The following EYA2 variants were observed in gnomAD, a reference collection of about 807,000 sequenced individuals.
The protein encoded by EYA2 is EYA transcriptional coactivator and phosphatase 2, also known as protein phosphatase EYA2.
In EYA2, 31 loss-of-function variants were observed where a neutral mutation model predicts 69.2. The ratio of observed to expected loss-of-function variants is 0.45; its 90% CI spans 0.34 to 0.60. EYA2 has a LOEUF of 0.60. Ranked by LOEUF, EYA2 falls within the 20% of genes least tolerant of loss-of-function variation. The pLI, the probability that EYA2 is intolerant of heterozygous loss-of-function variation, is 0.02. For synonymous variants in EYA2, 257 were observed against 279.4 expected (o/e 0.92, Z 0.80); for missense variants, 622 against 701.2 (o/e 0.89, Z 1.28).
chr20:47,161,273 CG>C (rs1410160701), intron 10 of EYA2: 4 of 535,592 alleles, frequency 7.5e-6, no homozygotes, highest in Non-Finnish European at 1.4e-5. Flanking sequence ...GATGGCCCCG[CG>C]GATGGCGTGG....
At chr20:47,186,487 G>A (rs1600784020) in intron 15 of EYA2, among the ~76,000 whole-genome samples, 1 of 149,756 alleles carries the variant, frequency 6.7e-6, no homozygotes, top group South Asian at 2.1e-4. Context: ...AGCCTCCCAA[G>A]TAGCTGGGAT....
chr20:46,996,738 T>C (rs1982045934), intron 2 of EYA2, among the ~76,000 whole-genome samples: 1 of 151,854 alleles, frequency 6.6e-6, no homozygotes, highest in African/African-American at 2.4e-5. Context: ...AGAAAAGAGA[T>C]TTAATTGGCT....
chr20:47,125,692 C>T (rs372056084), intron 9 of EYA2, among the ~76,000 whole-genome samples: 1 of 152,214 alleles, frequency 6.6e-6, no homozygotes, highest in East Asian at 1.9e-4. Context: ...TGACCTCTGG[C>T]TGACACTTCC....
intron 9 of EYA2, among the ~76,000 whole-genome samples, chr20:47,134,557 A>C (rs2033414298): frequency 6.8e-6 from 1 of 146,740 alleles, no homozygotes; most frequent in Non-Finnish European, 1.5e-5. Flanking sequence ...AATACATTTT[A>C]CACTATAACC....
chr20:46,954,536 C>T (rs570483517), intron 1 of EYA2, among the ~76,000 whole-genome samples: 57 of 152,354 alleles, frequency 3.7e-4, no homozygotes, highest in South Asian at 6.2e-4. Context: ...CCTGGCAGCT[C>T]GCTCTCTTTG....
At chr20:46,967,577 G>A (rs1979866804) in intron 1 of EYA2, among the ~76,000 whole-genome samples, 1 of 152,176 alleles carries the variant, frequency 6.6e-6, no homozygotes, top group Non-Finnish European at 1.5e-5. Flanking sequence ...GGAAGGATGA[G>A]CATTCAGGAC....
chr20:47,072,334 G>A (rs751998879), intron 6 of EYA2, 82 bp downstream of exon 6: 6 of 1,326,638 alleles, frequency 4.5e-6, no homozygotes, highest in Admixed American at 2.0e-5. Flanking sequence ...GAGAGCCCAC[G>A]ACACACACAA....
chr20:47,036,423 G>T (rs73909611), intron 5 of EYA2, among the ~76,000 whole-genome samples: 3,403 of 152,282 alleles, frequency 0.022, 91 homozygotes, highest in African/African-American at 0.067. Context: ...AACAGGAATG[G>T]TCGTTTCCAA....
At chr20:47,040,579 C>T (rs755252335) in intron 5 of EYA2, among the ~76,000 whole-genome samples, 14 of 152,212 alleles carry the variant, frequency 9.2e-5, no homozygotes, top group Non-Finnish European at 1.9e-4. Flanking sequence ...TTCTGTTACA[C>T]GCTCTGCTGT....
chr20:46,956,105 CAG>C (rs575741388), intron 1 of EYA2, among the ~76,000 whole-genome samples: 23 of 152,216 alleles, frequency 1.5e-4, no homozygotes, highest in Non-Finnish European at 2.6e-4. Flanking sequence ...TGTTCCTAAA[CAG>C]ATGTATTCAG....
At chr20:47,134,284 A>G (rs953471885) in intron 9 of EYA2, among the ~76,000 whole-genome samples, 10 of 152,230 alleles carry the variant, frequency 6.6e-5, no homozygotes, top group African/African-American at 2.4e-4. Context: ...CAAAAAAGCC[A>G]TGACAGGGGT....
intron 1 of EYA2, among the ~76,000 whole-genome samples, chr20:46,971,979 G>A (rs1980172767): frequency 6.6e-6 from 1 of 152,178 alleles, no homozygotes; most frequent in Non-Finnish European, 1.5e-5. Flanking sequence ...AGAGAAATAT[G>A]CAGTATATTT....
chr20:47,100,152 A>T (rs1039932999), intron 9 of EYA2, among the ~76,000 whole-genome samples: 1 of 152,240 alleles, frequency 6.6e-6, no homozygotes, highest in African/African-American at 2.4e-5. Context: ...TCAAAACAGA[A>T]ATTTTTAACT....
chr20:47,158,266 G>A (rs2033996752), intron 10 of EYA2, among the ~76,000 whole-genome samples: 1 of 151,976 alleles, frequency 6.6e-6, no homozygotes, highest in South Asian at 2.1e-4. Context: ...TGTAATTTCA[G>A]CACTTTGGAA....
intron 1 of EYA2, among the ~76,000 whole-genome samples, chr20:46,951,896 A>C (rs1978825605): frequency 6.6e-6 from 1 of 152,228 alleles, no homozygotes; most frequent in Non-Finnish European, 1.5e-5. Flanking sequence ...TCTCTGAAGA[A>C]TTCTGCCACC....
Position 47,015,540 on chromosome 20 carries a change from G to A in EYA2, c.299-641G>A, listed in dbSNP as rs528113938. Among the ~76,000 whole-genome samples, 5 of 152,174 alleles carry A rather than the reference G, an allele frequency of 3.3e-5. No individual in the cohort carries two copies. The East Asian group carries it at 9.7e-4, about 29-fold the overall frequency. On this transcript the variant is annotated intron_variant, in intron 4 of 15. Coordinates refer to ENST00000327619, the MANE Select transcript of EYA2 (RefSeq NM_005244.5). ...CTAATGGACATTTAAGCCATACACA[G>A]CACTACTCAGTGGAGTAGTGGGCTG...
rs376123095 is a variant in EYA2, at chr20:46,989,062, A to C, written c.-10-939A>C. Among the ~76,000 whole-genome samples the C allele has an allele frequency of 2.7e-4, 41 of 152,230 alleles. No homozygotes were observed. In the South Asian group the frequency reaches 5.2e-3, roughly 19 times the overall value. On this transcript the variant is annotated intron_variant, in intron 1 of 15. Transcript: ENST00000327619. Reference sequence around the variant, plus strand: ...GCAAGAATTAGAAATGTTTTCAATTAAAAAATGAGAAAGACCAAAGGAGAC... The same window carrying C: ...GCAAGAATTAGAAATGTTTTCAATTCAAAAATGAGAAAGACCAAAGGAGAC...
chr20:46,908,067 C>A (rs544021027), intron 1 of EYA2, among the ~76,000 whole-genome samples: 1 of 152,188 alleles, frequency 6.6e-6, no homozygotes, highest in African/African-American at 2.4e-5. Context: ...GTGCCTCCCG[C>A]TTCCATTTCC....
intron 1 of EYA2, among the ~76,000 whole-genome samples, chr20:46,940,394 A>G (rs1180232172): frequency 1.3e-5 from 2 of 152,170 alleles, no homozygotes; most frequent in Non-Finnish European, 2.9e-5. Context: ...CATTTGCTCA[A>G]GGTAACTCTG....
Sources: allele counts gnomAD v4.1 joint callset (sites outside exome capture counted in the v4.1 genomes callset), GRCh38; gene constraint gnomAD v4.1.1; transcripts MANE v1.5; gene names NCBI Gene and HGNC (gene_info 2026-07-23, HGNC 2026-07-21).